WNK2: variants seen among roughly 807,000 people sequenced by gnomAD.
WNK2 encodes the protein serine/threonine-protein kinase WNK2.
A neutral mutation model predicts 192.1 loss-of-function variants in WNK2; 67 were observed. That is an observed-to-expected ratio of 0.35 (90% CI 0.29 to 0.43). The LOEUF is 0.43. Ranked by LOEUF, WNK2 falls within the 20% of genes least tolerant of loss-of-function variation. The pLI is 1.00. For synonymous variants in WNK2, 1,439 were observed against 1,393.9 expected, an observed-to-expected ratio of 1.03 and a Z score of -0.72; for missense variants, 2,698 against 3,089.7, an observed-to-expected ratio of 0.87 and a Z score of 3.01.
chr9:93,242,664 C>A (rs1022690626), intron 7 of WNK2, among the ~76,000 whole-genome samples: 1 of 152,208 alleles, frequency 6.6e-6, no homozygotes, highest in South Asian at 2.1e-4. Context: ...TCTGGAGGCA[C>A]CTGGCTGGCC....
chr9:93,185,584 G>C lies in WNK2; in HGVS notation c.655G>C (p.Val219Leu). 1 of 1,612,210 alleles carries C rather than the reference G, an allele frequency of 6.2e-7. No individual in the cohort carries two copies. Among genetic ancestry groups the C allele is most frequent in the Non-Finnish European group, 8.5e-7 (1 of 1,179,278 alleles). ...VYKGLDTETW[V>L]EVAWCELQDR... is the part of the protein sequence containing the mutation. Reference sequence around the variant, plus strand: ...CAAGGGGCTGGACACGGAGACCTGGGTGGAGGTGGCCTGGTGTGAGCTGCA... The same window carrying C: ...CAAGGGGCTGGACACGGAGACCTGGCTGGAGGTGGCCTGGTGTGAGCTGCA... The change falls in exon 2 of 30, where the codon GTG becomes CTG. Residue 219 changes from valine (V) to leucine (L), a missense_variant. Transcript: ENST00000427277.
intron 2 of WNK2, among the ~76,000 whole-genome samples, chr9:93,224,573 G>A (rs997860885): frequency 6.6e-6 from 1 of 152,202 alleles, no homozygotes; most frequent in East Asian, 1.9e-4. Flanking sequence ...GGAGGGTGCT[G>A]TCCTGCCTTG....
At position 93,309,037 on chromosome 9, in the gene WNK2, C is replaced by T. The variant is rs73529720; in HGVS notation, c.6516+453C>T. 2.3e-4 allele frequency: 233 copies of T among 996,298 alleles called. No homozygotes were observed. In the African/African-American group the frequency reaches 2.6e-3, roughly 11 times the overall value. The allele number at this position is 996,298 out of a possible 1,614,324, so 61.7% of individuals were successfully genotyped here. On this transcript the variant is annotated intron_variant, in intron 28 of 29. Transcript: ENST00000427277. ...CACACGCACCTGAGCCAATGTGGGG[C>T]GGAAGTGAGGACCTGCTGTCCTAGG...
chr9:93,224,623 A>T (rs1029842126), intron 2 of WNK2, among the ~76,000 whole-genome samples: 3 of 152,140 alleles, frequency 2.0e-5, no homozygotes, highest in Admixed American at 6.5e-5. Context: ...TAGAGCAAAT[A>T]AGAGCTGGCA....
chr9:93,186,119 G>A (rs1011268181), intron 2 of WNK2, among the ~76,000 whole-genome samples: 2 of 152,310 alleles, frequency 1.3e-5, no homozygotes, highest in Admixed American at 6.5e-5. Context: ...GCCCCAGCAG[G>A]GATACCTGCA....
At chr9:93,263,028 G>C (rs1276364206) in intron 14 of WNK2, among the ~76,000 whole-genome samples, 2 of 152,202 alleles carry the variant, frequency 1.3e-5, no homozygotes, top group Non-Finnish European at 2.9e-5. Context: ...GAGACTAGGA[G>C]GGGGCTGGGA....
intron 19 of WNK2, among the ~76,000 whole-genome samples, chr9:93,274,539 G>GGA (rs1846488269): frequency 1.7e-5 from 2 of 115,992 alleles, no homozygotes; most frequent in Non-Finnish European, 3.6e-5. Context: ...AAAAAAAAAA[G>GGA]AAAAAAAACA....
chr9:93,261,997 C>T lies in WNK2; in HGVS notation c.3250C>T (p.Pro1084Ser), dbSNP rs777283490. 6.8e-6 allele frequency: 11 copies of T among 1,611,442 alleles called. No individual in the cohort carries two copies. The highest frequency in any genetic ancestry group is 5.0e-5 in the Admixed American group (3 of 59,850). Reference sequence around the variant, plus strand: ...GGTGTCTGCCTCTGTGCAGAGTGTGCCCACCCAGACTGCCACACTTCTGCC... The same window carrying T: ...GGTGTCTGCCTCTGTGCAGAGTGTGTCCACCCAGACTGCCACACTTCTGCC... Reference protein sequence around the residue: ...ATVSASVQSVPTQTATLLPPA... With the variant: ...ATVSASVQSVSTQTATLLPPA... Residue 1084 changes from proline (P) to serine (S), a missense_variant, in exon 13 of 30, where the codon CCC becomes TCC. Transcript: ENST00000427277.
chr9:93,222,567 G>A (rs899434930), intron 2 of WNK2, among the ~76,000 whole-genome samples: 17 of 152,268 alleles, frequency 1.1e-4, no homozygotes, highest in African/African-American at 4.1e-4. Context: ...GGTCACCGGC[G>A]TCAGGGTCCC....
chr9:93,191,142 G>C (rs551374467), intron 2 of WNK2, among the ~76,000 whole-genome samples: 1 of 152,268 alleles, frequency 6.6e-6, no homozygotes, highest in African/African-American at 2.4e-5. Flanking sequence ...ACAAGCTCCA[G>C]GTCAGCGGGA....
intron 2 of WNK2, among the ~76,000 whole-genome samples, chr9:93,213,878 A>G (rs1835231631): frequency 6.6e-6 from 1 of 152,224 alleles, no homozygotes; most frequent in Non-Finnish European, 1.5e-5. Context: ...ATAAACTAGC[A>G]CTTTACCACA....
intron 19 of WNK2, among the ~76,000 whole-genome samples, chr9:93,278,208 C>T (rs951734410): frequency 6.6e-6 from 1 of 152,028 alleles, no homozygotes; most frequent in African/African-American, 2.4e-5. Context: ...AGTGAGGAGA[C>T]CAAGCTGAGA....
chr9:93,292,178 C>T (rs1849466694), intron 21 of WNK2, 130 bp from the exon 22 acceptor site: 1 of 888,806 alleles, frequency 1.1e-6, no homozygotes, highest in Non-Finnish European at 1.8e-6. Flanking sequence ...CTCCCAGTAC[C>T]CACTTCCATT....
At chr9:93,317,191 G>A in intron 28 of WNK2, 1 of 437,606 alleles carries the variant, frequency 2.3e-6, no homozygotes, top group Non-Finnish European at 4.2e-6. Context: ...CTTTGTGGTG[G>A]CTGAGTAGAG....
chr9:93,245,517 G>T (rs960157736), intron 7 of WNK2, among the ~76,000 whole-genome samples: 2 of 152,324 alleles, frequency 1.3e-5, no homozygotes, highest in East Asian at 3.9e-4. Context: ...TCCCCGGGGT[G>T]CACAGCTTCA....
intron 9 of WNK2, among the ~76,000 whole-genome samples, chr9:93,254,060 G>A (rs1220803348): frequency 1.3e-5 from 2 of 152,174 alleles, no homozygotes; most frequent in South Asian, 2.1e-4. Context: ...GGGATTATAG[G>A]CACGCGCCAC....
chr9:93,252,840 A>G (rs1456731071), intron 8 of WNK2, 43 bp from the exon 9 acceptor site: 7 of 1,349,984 alleles, frequency 5.2e-6, no homozygotes, highest in Middle Eastern at 1.9e-4. Flanking sequence ...TTCATGTGAC[A>G]TTTGGAGATG....
chr9:93,305,134 T>C (rs964505262), intron 26 of WNK2, among the ~76,000 whole-genome samples: 1 of 152,226 alleles, frequency 6.6e-6, no homozygotes, highest in Non-Finnish European at 1.5e-5. Context: ...GAATTAGCAC[T>C]GAATGTAGAG....
intron 19 of WNK2, among the ~76,000 whole-genome samples, chr9:93,277,774 A>T (rs1182721368): frequency 6.6e-6 from 1 of 152,196 alleles, no homozygotes; most frequent in East Asian, 1.9e-4. Flanking sequence ...AAATGGATAC[A>T]TGTGTGTCAA....
Sources: gnomAD v4.1 joint callset for allele counts (sites outside exome capture counted in the v4.1 genomes callset) on GRCh38, gnomAD v4.1.1 for gene constraint, MANE v1.5 for transcripts, NCBI Gene and HGNC (gene_info 2026-07-23, HGNC 2026-07-21) for gene names.